NOP9: variants seen among roughly 807,000 people sequenced by gnomAD.
The protein encoded by NOP9 is NOP9 nucleolar protein.
NOP9 carries 50 observed loss-of-function variants against 63.0 expected under a neutral mutation model. The observed-to-expected ratio is 0.79, with a 90% CI of 0.63 to 1.00. NOP9 has a LOEUF of 1.00. Among genes scored for constraint, NOP9 ranks in the 50% least tolerant of loss-of-function variants. The probability of loss-of-function intolerance (pLI) is 0.00; values close to 1 mark genes in which losing one functional copy is unlikely to be tolerated. For synonymous variants in NOP9, 343 were observed against 332.8 expected (o/e 1.03, Z -0.33); for missense variants, 758 against 803.0 (o/e 0.94, Z 0.68).
chr14:24,296,920 T>C, upstream of NOP9: 2 of 1,612,310 alleles, frequency 1.2e-6, no homozygotes, highest in South Asian at 1.1e-5. Flanking sequence ...CATTCACACA[T>C]GGGTGTGAGT....
chr14:24,291,018 G>T, the NOP9 span: 1 of 1,613,850 alleles, frequency 6.2e-7, no homozygotes, highest in South Asian at 1.1e-5. Flanking sequence ...GGAGGAGGAG[G>T]ATTAGATTCT....
intron 5 of NOP9, 91 bp from the exon 6 acceptor site, chr14:24,302,983 A>C (rs1594620612): frequency 7.1e-7 from 1 of 1,413,342 alleles, no homozygotes; most frequent in East Asian, 2.5e-5. Context: ...TTTATCTAGC[A>C]TTTTTAGTTG....
At chr14:24,271,971 C>T in the NOP9 span, among the ~76,000 whole-genome samples, 1 of 152,138 alleles carries the variant, frequency 6.6e-6, no homozygotes, top group African/African-American at 2.4e-5. Context: ...CCCATTCTGG[C>T]TTCTCCTCCT....
Position 24,300,393 on chromosome 14 carries a change from T to G in NOP9, c.248-15T>G, listed in dbSNP as rs1043379511. The G allele has an allele frequency of 2.9e-5, 46 of 1,603,980 alleles. No individual in the cohort carries two copies. The highest frequency in any genetic ancestry group is 3.4e-5 in the Admixed American group (2 of 58,506). On this transcript the variant is annotated splice_polypyrimidine_tract_variant and intron_variant, in intron 1 of 9. Coordinates refer to ENST00000267425, the MANE Select transcript of NOP9 (RefSeq NM_174913.3). Reference sequence around the variant, plus strand: ...TACTAAGTCTCTTCAAAGTGTGTCTTTCTTCCCTTTTCAGATCTGATGGTG... The same window carrying G: ...TACTAAGTCTCTTCAAAGTGTGTCTGTCTTCCCTTTTCAGATCTGATGGTG...
chr14:24,287,485 C>T, the NOP9 span, among the ~76,000 whole-genome samples: 4 of 152,150 alleles, frequency 2.6e-5, no homozygotes, highest in Non-Finnish European at 5.9e-5. Context: ...TACTTGTCTC[C>T]CTGGGAGTAC....
the NOP9 span, among the ~76,000 whole-genome samples, chr14:24,285,724 C>A: frequency 6.6e-6 from 1 of 152,150 alleles, no homozygotes; most frequent in African/African-American, 2.4e-5. Flanking sequence ...TAATTTATTA[C>A]GTGCCTGTAA....
the NOP9 span, among the ~76,000 whole-genome samples, chr14:24,274,597 T>A: frequency 6.6e-6 from 1 of 151,366 alleles, no homozygotes; most frequent in Non-Finnish European, 1.5e-5. Flanking sequence ...CATGCAGGTG[T>A]CTGAGAGCCA....
At position 24,300,758 on chromosome 14, in the gene NOP9, GAC is replaced by G; in HGVS notation, c.604_605del (p.His202TrpfsTer20). 1.2e-6 allele frequency: 2 copies of G among 1,614,214 alleles called. No individual in the cohort carries two copies. Among genetic ancestry groups the G allele is most frequent in the Non-Finnish European group, 1.7e-6 (2 of 1,180,040 alleles). On this transcript the variant is annotated frameshift_variant, in exon 2 of 10. Transcript: ENST00000267425. LOFTEE classifies it high-confidence loss of function. ...TGATGATTTTCTTGTCTACTGTGGA[GAC>G]ACACATGGCAGCTTCGTGGTCAGAA... ...VCDDFLVYCG[D>X]THGSFVVRTL...
the NOP9 span, among the ~76,000 whole-genome samples, chr14:24,286,539 T>G: frequency 6.6e-6 from 1 of 152,326 alleles, no homozygotes; most frequent in East Asian, 1.9e-4. Context: ...TCCATTTTTG[T>G]GCATGACACC....
chr14:24,307,424 G>A lies in NOP9; in HGVS notation c.*2329G>A, dbSNP rs368997599. 2.0e-5 allele frequency: 33 copies of A among 1,613,890 alleles called. No individual in the cohort carries two copies. Among genetic ancestry groups the A allele is most frequent in the Admixed American group, 3.3e-5 (2 of 59,992 alleles). ...GCTGTCAGGCCTTTCCGGATGGTCC[G>A]CTTGTGATCACAGACACGGAAAGGT... On this transcript the variant is annotated 3_prime_UTR_variant, in exon 10 of 10. Transcript: ENST00000267425.
the NOP9 span, among the ~76,000 whole-genome samples, chr14:24,280,673 G>T: frequency 1.3e-5 from 2 of 152,336 alleles, no homozygotes; most frequent in East Asian, 1.9e-4. Flanking sequence ...CTGTCATAGG[G>T]CTTACATTAT....
chr14:24,291,755 C>CT, the NOP9 span: 2 of 923,398 alleles, frequency 2.2e-6, no homozygotes, highest in South Asian at 2.7e-5. Flanking sequence ...CAAGCAGGGC[C>CT]TGTAGGACCC....
chr14:24,272,518 A>G, the NOP9 span, among the ~76,000 whole-genome samples: 1 of 152,218 alleles, frequency 6.6e-6, no homozygotes, highest in Non-Finnish European at 1.5e-5. Flanking sequence ...TTTCTTCTCC[A>G]GATTGTTGAA....
the NOP9 span, among the ~76,000 whole-genome samples, chr14:24,285,499 C>G: frequency 2.0e-5 from 3 of 152,044 alleles, no homozygotes; most frequent in Non-Finnish European, 4.4e-5. Flanking sequence ...CAGATTTGCA[C>G]GCAGCAAATC....
At chr14:24,301,763 C>T (rs1230313155) in intron 3 of NOP9, 41 bp downstream of exon 3, 2 of 1,600,068 alleles carry the variant, frequency 1.2e-6, no homozygotes, top group African/African-American at 1.3e-5. Context: ...ATCTACTTGT[C>T]TGGAGGTCAT....
chr14:24,274,359 G>A, the NOP9 span, among the ~76,000 whole-genome samples: 1 of 152,170 alleles, frequency 6.6e-6, no homozygotes, highest in Non-Finnish European at 1.5e-5. Context: ...AGAGAAGGCA[G>A]GGCTTGAGTT....
At chr14:24,303,299 C>G in intron 6 of NOP9, 85 bp downstream of exon 6, 2 of 1,551,224 alleles carry the variant, frequency 1.3e-6, no homozygotes, top group Non-Finnish European at 1.8e-6. Context: ...GTTTTTGTAC[C>G]TCTGGACTCA....
At position 24,308,604 on chromosome 14, in the gene NOP9, T is replaced by C. The variant is rs1455442415; in HGVS notation, c.*3509T>C. 1 of 153,308 alleles carries C rather than the reference T, an allele frequency of 6.5e-6. No individual in the cohort carries two copies. Among genetic ancestry groups the C allele is most frequent in the African/African-American group, 2.4e-5 (1 of 41,444 alleles). 9.5% of individuals were successfully genotyped at this position (153,308 alleles called of 1,614,324 possible). On this transcript the variant is annotated 3_prime_UTR_variant, in exon 10 of 10. Transcript: ENST00000267425. ...TCACTTTTCTCCTTTTGCCGATTAG[T>C]GGACGTGACAGAGATGTGAATGGGG... is the stretch of plus-strand genomic sequence containing the variant.
chr14:24,286,606 T>A, the NOP9 span, among the ~76,000 whole-genome samples: 6 of 152,028 alleles, frequency 3.9e-5, no homozygotes, highest in South Asian at 2.1e-4. Flanking sequence ...TTATTTATTT[T>A]TTTCGAGACG....
Sources: allele counts gnomAD v4.1 joint callset (sites outside exome capture counted in the v4.1 genomes callset), GRCh38; gene constraint gnomAD v4.1.1; transcripts MANE v1.5; gene names NCBI Gene and HGNC (gene_info 2026-07-23, HGNC 2026-07-21).